The following MEPCE variants were observed in gnomAD, a reference collection of about 807,000 sequenced individuals.
The protein encoded by MEPCE is methylphosphate capping enzyme, also known as 7SK snRNA methylphosphate capping enzyme.
In MEPCE, 9 loss-of-function variants were observed where a neutral mutation model predicts 52.3. That is an observed-to-expected ratio of 0.17 (90% CI 0.10 to 0.30). The LOEUF (loss-of-function observed/expected upper bound fraction) is 0.30. Among genes scored for constraint, MEPCE ranks in the 10% least tolerant of loss-of-function variants. The pLI, the probability that MEPCE is intolerant of heterozygous loss-of-function variation, is 1.00. For missense variants in MEPCE, 826 were observed against 933.0 expected, an observed-to-expected ratio of 0.89 and a Z score of 1.49; for synonymous variants, 477 against 401.6, an observed-to-expected ratio of 1.19 and a Z score of -2.25.
At chr7:100,429,061 G>C (rs867873094), upstream of MEPCE, 9 of 152,318 alleles carry the variant, frequency 5.9e-5, no homozygotes, top group African/African-American at 1.9e-4. Context: ...ATGACCTATC[G>C]CGTTTTACTG....
At position 100,431,552 on chromosome 7, in the gene MEPCE, G is replaced by A. The variant is rs1040242810; in HGVS notation, c.1534G>A (p.Glu512Lys). The A allele has an allele frequency of 1.2e-6, 2 of 1,612,774 alleles. No homozygotes were observed. Among genetic ancestry groups the A allele is most frequent in the South Asian group, 2.2e-5 (2 of 91,086 alleles). ...AGGGGACCCGGGGGCAGAGGGTGAG[G>A]AAGGGACCACCACCGTTCGAAAGAG... Reference protein sequence around the residue: ...LEGDPGAEGEEGTTTVRKRSC... With the variant: ...LEGDPGAEGEKGTTTVRKRSC... Residue 512 changes from glutamate (E) to lysine (K), a missense_variant, in exon 1 of 4, where the codon GAA becomes AAA. By Grantham distance (56) the Glu-to-Lys change is moderately conservative. Around this residue, in one of 7 missense-constraint regions of MEPCE, gnomAD observed 107 missense variants for 157.9 expected, o/e 0.68. Transcript: ENST00000310512.
Position 100,430,612 on chromosome 7 carries a change from T to C in MEPCE, c.594T>C (p.Asn198=). Residue 198 remains asparagine (N), a synonymous_variant, in exon 1 of 4, where the codon AAT becomes AAC. Transcript: ENST00000310512. ...ATATCTTTGATCCCCTGAACCTGAATAGCCTCCTGGATGAGGAAGTGAGCC... is the reference window on the plus strand; with the variant it reads ...ATATCTTTGATCCCCTGAACCTGAACAGCCTCCTGGATGAGGAAGTGAGCC... ...GGNIFDPLNL[N]SLLDEEVSRT... The C allele has an allele frequency of 2.5e-6, 4 of 1,612,938 alleles. No individual in the cohort carries two copies. The highest frequency in any genetic ancestry group is 3.4e-6 in the Non-Finnish European group (4 of 1,179,738).
rs140345728 is a variant in MEPCE, at chr7:100,433,296, T to C, written c.1924T>C (p.Leu642=). Residue 642 remains leucine, a synonymous_variant, in exon 3 of 4, where the codon TTG becomes CTG. Transcript: ENST00000310512. ...CTACAAGAACTACTACCGAATCCAATTGAAGCCAGAGCAGTTCAGTTCCTA... is the reference window on the plus strand; with the variant it reads ...CTACAAGAACTACTACCGAATCCAACTGAAGCCAGAGCAGTTCAGTTCCTA... The part of the protein sequence containing the change: ...TIYKNYYRIQ[L]KPEQFSSYLT... The C allele has an allele frequency of 3.3e-4, 531 of 1,614,182 alleles. No individual in the cohort carries two copies. Among genetic ancestry groups the C allele is most frequent in the Non-Finnish European group, 4.1e-4 (481 of 1,180,038 alleles).
Position 100,430,264 on chromosome 7 carries a change from G to C in MEPCE, c.246G>C (p.Ala82=), listed in dbSNP as rs950867453. Residue 82 remains alanine (A), a synonymous_variant, in exon 1 of 4, where the codon GCG becomes GCC. Transcript: ENST00000310512. The part of the protein sequence containing the change: ...AAATSSSGPQ[A]QQHRGGGPQA... ...CCACCTCCTCCAGTGGTCCCCAGGC[G>C]CAGCAGCACCGAGGGGGCGGCCCCC... 8.0e-5 allele frequency: 110 copies of C among 1,369,820 alleles called. No homozygotes were observed. Among genetic ancestry groups the C allele is most frequent in the Non-Finnish European group, 1.0e-4 (110 of 1,066,722 alleles). The allele number at this position is 1,369,820 out of a possible 1,614,324, so 84.9% of individuals were successfully genotyped here. A position where few individuals can be genotyped will look rare whatever the true frequency, so the allele number is the denominator to read the frequency against.
chr7:100,430,228 C>G lies in MEPCE; in HGVS notation c.210C>G (p.Pro70=). 1.5e-6 allele frequency: 2 copies of G among 1,336,670 alleles called. No homozygotes were observed. The highest frequency in any genetic ancestry group is 3.1e-5 in the African/African-American group (2 of 64,942). 82.8% of individuals were successfully genotyped at this position (1,336,670 alleles called of 1,614,324 possible). Residue 70 remains proline, a synonymous_variant, in exon 1 of 4, where the codon CCC becomes CCG. Transcript: ENST00000310512. ...CCGCTGCGGTCGGTCGGGAAAGCCC[C>G]GGGGCCGCGGCCACCTCCTCCAGTG... ...SPAAAVGRES[P]GAAATSSSGP... is the part of the protein sequence containing the mutation.
rs1036871144 is a variant in MEPCE, at chr7:100,430,720, T to C, written c.702T>C (p.Asp234=). ...CGGTGGAGATCCTCATCCCCAAAGA[T>C]ATTACTGACCCGCTCAGTCTCAATA... The part of the protein sequence containing the change: ...RDPVEILIPK[D]ITDPLSLNTC... Residue 234 remains aspartate, a synonymous_variant, in exon 1 of 4, where the codon GAT becomes GAC. Coordinates refer to ENST00000310512, the MANE Select transcript of MEPCE (RefSeq NM_019606.6). The C allele has an allele frequency of 1.2e-6, 2 of 1,613,680 alleles. No individual in the cohort carries two copies. The highest frequency in any genetic ancestry group is 2.2e-5 in the East Asian group (1 of 44,888).
At position 100,430,960 on chromosome 7, in the gene MEPCE, A is replaced by G. The variant is rs776580737; in HGVS notation, c.942A>G (p.Gln314=). 87 of 1,609,130 alleles carry G rather than the reference A, an allele frequency of 5.4e-5. No individual in the cohort carries two copies. The highest frequency in any genetic ancestry group is 7.2e-5 in the Non-Finnish European group (85 of 1,176,974). The change falls in exon 1 of 4, where the codon CAA becomes CAG. Residue 314 remains glutamine, a synonymous_variant. Transcript: ENST00000310512. ...RHRGQNRDAP[Q]PYELNTAINC... is the part of the protein sequence containing the mutation. ...GGGGCCAGAACCGGGATGCCCCCCA[A>G]CCCTATGAACTCAACACAGCCATCA...
In MEPCE at chr7:100,433,927, C is replaced by T; in HGVS notation, c.*373C>T. ...TCCCATTTCTCCTCGGCCATTGTAC[C>T]TAGCTCTTGTCCCTAGCTGCATTTC... On this transcript the variant is annotated 3_prime_UTR_variant, in exon 4 of 4. Coordinates refer to ENST00000310512, the MANE Select transcript of MEPCE (RefSeq NM_019606.6). 4.1e-6 allele frequency: 1 copy of T among 244,960 alleles called. No homozygotes were observed. The highest frequency in any genetic ancestry group is 8.0e-6 in the Non-Finnish European group (1 of 124,830). The allele number at this position is 244,960 out of a possible 1,614,324, so 15.2% of individuals were successfully genotyped here. A position where few individuals can be genotyped will look rare whatever the true frequency, so the allele number is the denominator to read the frequency against.
chr7:100,432,063 G>T (rs1018054637), intron 1 of MEPCE, among the ~76,000 whole-genome samples: 1 of 152,228 alleles, frequency 6.6e-6, no homozygotes, highest in African/African-American at 2.4e-5. Context: ...GCCTGAGAAT[G>T]GGAGTCAGAC....
At chr7:100,432,831 G>C (rs975483067) in intron 1 of MEPCE, 88 bp from the exon 2 acceptor site, 2 of 1,184,388 alleles carry the variant, frequency 1.7e-6, no homozygotes, top group Non-Finnish European at 2.5e-6. Context: ...GTGAGGCCGC[G>C]GGACTGTATC....
upstream of MEPCE, chr7:100,429,346 A>C (rs967546012): frequency 6.6e-6 from 1 of 152,250 alleles, no homozygotes; most frequent in Non-Finnish European, 1.5e-5. Flanking sequence ...TACCCGCGCA[A>C]GCCCAAAAGG....
chr7:100,430,373 G>T lies in MEPCE; in HGVS notation c.355G>T (p.Gly119Trp). 6.9e-7 allele frequency: 1 copy of T among 1,447,844 alleles called. No homozygotes were observed. Among genetic ancestry groups the T allele is most frequent in the Non-Finnish European group, 9.1e-7 (1 of 1,102,600 alleles). 89.7% of individuals were successfully genotyped at this position (1,447,844 alleles called of 1,614,324 possible). A position where few individuals can be genotyped will look rare whatever the true frequency, so the allele number is the denominator to read the frequency against. Residue 119 changes from glycine (G) to tryptophan (W), a missense_variant, in exon 1 of 4, where the codon GGG becomes TGG. This residue lies in a region of MEPCE where 314 missense variants were observed against 277.7 expected (regional missense o/e 1.13). Coordinates refer to ENST00000310512, the MANE Select transcript of MEPCE (RefSeq NM_019606.6). ...GGACGTGGGGGAGGAGCGCCGGGGA[G>T]GGGGCGGGACAGAGCTGGGTCCCCC... ...PPDVGEERRG[G>W]GGTELGPPAP...
In MEPCE at chr7:100,431,272, T is replaced by C. The variant is rs181637660; in HGVS notation, c.1254T>C (p.Tyr418=). The change falls in exon 1 of 4, where the codon TAT becomes TAC. Residue 418 remains tyrosine (Y), a synonymous_variant. Coordinates refer to ENST00000310512, the MANE Select transcript of MEPCE (RefSeq NM_019606.6). ...AGCGCAAGTTCCAGTATGGGAATTATTGCAAATACTATGGGTACCGCAATC... is the reference window on the plus strand; with the variant it reads ...AGCGCAAGTTCCAGTATGGGAATTACTGCAAATACTATGGGTACCGCAATC... ...KQQRKFQYGN[Y]CKYYGYRNPS... 19 of 1,614,136 alleles carry C rather than the reference T, an allele frequency of 1.2e-5. No individual in the cohort carries two copies. The highest frequency in any genetic ancestry group is 5.3e-5 in the African/African-American group (4 of 75,056).
In MEPCE at chr7:100,430,364, C is replaced by T. The variant is rs535881778; in HGVS notation, c.346C>T (p.Arg116Cys). ...CGCTCCCCCGGACGTGGGGGAGGAGCGCCGGGGAGGGGGCGGGACAGAGCT... is the reference window on the plus strand; with the variant it reads ...CGCTCCCCCGGACGTGGGGGAGGAGTGCCGGGGAGGGGGCGGGACAGAGCT... ...RAAPPDVGEERRGGGGTELGP... is the reference protein window; with the variant it reads ...RAAPPDVGEECRGGGGTELGP... The change falls in exon 1 of 4, where the codon CGC becomes TGC. Residue 116 changes from arginine to cysteine, a missense_variant. Physicochemically the swap from Arg to Cys is radical, Grantham distance 180. Around this residue, in one of 7 missense-constraint regions of MEPCE, gnomAD observed 314 missense variants for 277.7 expected, o/e 1.13. Transcript: ENST00000310512. 2.1e-6 allele frequency: 3 copies of T among 1,438,586 alleles called. No homozygotes were observed. Among genetic ancestry groups the T allele is most frequent in the African/African-American group, 2.9e-5 (2 of 69,880 alleles). The allele number at this position is 1,438,586 out of a possible 1,614,324, so 89.1% of individuals were successfully genotyped here.
chr7:100,431,895 T>A (rs537061399), intron 1 of MEPCE, among the ~76,000 whole-genome samples: 1 of 152,320 alleles, frequency 6.6e-6, no homozygotes, highest in South Asian at 2.1e-4. Flanking sequence ...TCCTTTGTCA[T>A]GACTGCAAGG....
chr7:100,432,795 T>C, intron 1 of MEPCE, 124 bp from the exon 2 acceptor site: 1 of 829,806 alleles, frequency 1.2e-6, no homozygotes, highest in Non-Finnish European at 2.0e-6. Context: ...GGAGTTAGTC[T>C]GAGAAGAAAG....
Position 100,430,630 on chromosome 7 carries a change from A to G in MEPCE, c.612A>G (p.Glu204=), listed in dbSNP as rs1383018491. The change falls in exon 1 of 4, where the codon GAA becomes GAG. Residue 204 remains glutamate (E), a synonymous_variant. Transcript: ENST00000310512. ...PLNLNSLLDE[E]VSRTLNAETP... is the part of the protein sequence containing the mutation. ...ACCTGAATAGCCTCCTGGATGAGGA[A>G]GTGAGCCGCACTCTCAACGCGGAGA... 1 of 1,613,596 alleles carries G rather than the reference A, an allele frequency of 6.2e-7. No individual in the cohort carries two copies. The highest frequency in any genetic ancestry group is 1.1e-5 in the South Asian group (1 of 91,066).
chr7:100,431,248 G>C lies in MEPCE; in HGVS notation c.1230G>C (p.Gln410His). The C allele has an allele frequency of 6.2e-7, 1 of 1,614,106 alleles. No individual in the cohort carries two copies. The highest frequency in any genetic ancestry group is 8.5e-7 in the Non-Finnish European group (1 of 1,180,028). The change falls in exon 1 of 4, where the codon CAG (glutamine) becomes CAC (histidine). Residue 410 changes from glutamine (Q) to histidine (H), a missense_variant. Physicochemically the swap from Gln to His is conservative, Grantham distance 24 (BLOSUM62 0). Transcript: ENST00000310512. ...PLPAAGFKKQ[Q>H]RKFQYGNYCK... ...CTGCAGCAGGCTTCAAAAAGCAACA[G>C]CGCAAGTTCCAGTATGGGAATTATT...
At position 100,431,233 on chromosome 7, in the gene MEPCE, C is replaced by T; in HGVS notation, c.1215C>T (p.Gly405=). The change falls in exon 1 of 4, where the codon GGC becomes GGT. Residue 405 remains glycine, a synonymous_variant. Coordinates refer to ENST00000310512, the MANE Select transcript of MEPCE (RefSeq NM_019606.6). The stretch of plus-strand genomic sequence containing the variant: ...ACCACCACCCACTGCCTGCAGCAGG[C>T]TTCAAAAAGCAACAGCGCAAGTTCC... ...HHHHHPLPAA[G]FKKQQRKFQY... 6.2e-7 allele frequency: 1 copy of T among 1,614,108 alleles called. No individual in the cohort carries two copies.
Sources: allele counts gnomAD v4.1 joint callset (sites outside exome capture counted in the v4.1 genomes callset), GRCh38; gene constraint gnomAD v4.1.1; regional missense constraint gnomAD v4.1.1; transcripts MANE v1.5; gene names NCBI Gene and HGNC (gene_info 2026-07-23, HGNC 2026-07-21).